The following CREB5 variants were observed in gnomAD, a reference collection of about 807,000 sequenced individuals.
The protein encoded by CREB5 is cAMP responsive element binding protein 5, also known as cyclic AMP-responsive element-binding protein 5.
In CREB5, 19 loss-of-function variants were observed where a neutral mutation model predicts 57.1. The ratio of observed to expected loss-of-function variants is 0.33; its 90% CI spans 0.23 to 0.49. CREB5 has a LOEUF of 0.49. Ranked by LOEUF, CREB5 falls within the 20% of genes least tolerant of loss-of-function variation. CREB5 has a pLI of 0.99. For synonymous variants in CREB5, 238 were observed against 238.3 expected, an observed-to-expected ratio of 1.00 and a Z score of 0.01; for missense variants, 579 against 671.6, an observed-to-expected ratio of 0.86 and a Z score of 1.52.
chr7:28,611,224 T>A (rs1264418023), intron 5 of CREB5, among the ~76,000 whole-genome samples: 1 of 152,064 alleles, frequency 6.6e-6, no homozygotes, highest in Non-Finnish European at 1.5e-5. Flanking sequence ...CTGGTAGTAT[T>A]GAAGGTCCCA....
At chr7:28,400,892 C>T (rs1263243066) in intron 1 of CREB5, among the ~76,000 whole-genome samples, 2 of 152,114 alleles carry the variant, frequency 1.3e-5, no homozygotes, top group East Asian at 3.8e-4. Context: ...TGAGATGATG[C>T]TCAATATTAA....
At chr7:28,558,368 C>G (rs895415912) in intron 4 of CREB5, among the ~76,000 whole-genome samples, 1 of 152,232 alleles carries the variant, frequency 6.6e-6, no homozygotes, top group South Asian at 2.1e-4. Context: ...CAGTAACTTA[C>G]ATTTGCAAGT....
At chr7:28,747,098 T>C (rs1389124492) in intron 7 of CREB5, among the ~76,000 whole-genome samples, 2 of 151,406 alleles carry the variant, frequency 1.3e-5, no homozygotes, top group Non-Finnish European at 2.9e-5. Flanking sequence ...TTTTTTTTTT[T>C]CCTGAGGCTG....
intron 7 of CREB5, among the ~76,000 whole-genome samples, chr7:28,792,004 G>A (rs867109002): frequency 7.2e-5 from 11 of 152,124 alleles, no homozygotes; most frequent in African/African-American, 1.2e-4. Flanking sequence ...TGATTCTACC[G>A]TCAAAAATGT....
chr7:28,803,651 G>T (rs1475366459), intron 7 of CREB5, among the ~76,000 whole-genome samples: 1 of 150,038 alleles, frequency 6.7e-6, no homozygotes, highest in Non-Finnish European at 1.5e-5. Flanking sequence ...CAGCTACTCA[G>T]AAGGCTGAGG....
At chr7:28,695,251 A>C (rs1801487897) in intron 5 of CREB5, among the ~76,000 whole-genome samples, 1 of 152,134 alleles carries the variant, frequency 6.6e-6, no homozygotes, top group Non-Finnish European at 1.5e-5. Context: ...AGCCATCCAA[A>C]AATGTGAAGA....
intron 7 of CREB5, among the ~76,000 whole-genome samples, chr7:28,767,011 T>A (rs1806040304): frequency 6.6e-6 from 1 of 152,240 alleles, no homozygotes. Flanking sequence ...TGATGTCAAG[T>A]TCTGCTTCTT....
At chr7:28,319,751 CT>C (rs1252394464) in intron 1 of CREB5, among the ~76,000 whole-genome samples, 1 of 152,094 alleles carries the variant, frequency 6.6e-6, no homozygotes, top group Non-Finnish European at 1.5e-5. Context: ...CCGTGGTCTG[CT>C]TCAAGTGTTA....
chr7:28,492,835 G>A (rs959665684), intron 2 of CREB5, among the ~76,000 whole-genome samples: 5 of 151,332 alleles, frequency 3.3e-5, no homozygotes, highest in African/African-American at 4.8e-5. Context: ...GTTGTTTGAC[G>A]GAAAGACTAG....
intron 1 of CREB5, among the ~76,000 whole-genome samples, chr7:28,374,072 G>A (rs967261718): frequency 6.6e-6 from 1 of 152,044 alleles, no homozygotes; most frequent in African/African-American, 2.4e-5. Context: ...TTGAATAAAT[G>A]CTTAATTAAA....
intron 1 of CREB5, among the ~76,000 whole-genome samples, chr7:28,381,745 A>C (rs1381610085): frequency 6.6e-6 from 1 of 152,224 alleles, no homozygotes; most frequent in Non-Finnish European, 1.5e-5. Flanking sequence ...ATCACTCCTA[A>C]GTACAAAATA....
chr7:28,785,708 C>G (rs1807283601), intron 7 of CREB5, among the ~76,000 whole-genome samples: 1 of 152,182 alleles, frequency 6.6e-6, no homozygotes, highest in Non-Finnish European at 1.5e-5. Flanking sequence ...CTAGGCCCCT[C>G]TGCAGATCCA....
intron 1 of CREB5, among the ~76,000 whole-genome samples, chr7:28,319,066 A>G (rs73082448): frequency 0.14 from 21,267 of 151,838 alleles, 1,916 homozygotes; most frequent in African/African-American, 0.25. Flanking sequence ...TCATTCCAAT[A>G]CTCTTTTCTG....
At chr7:28,761,356 G>A (rs1805637034) in intron 7 of CREB5, among the ~76,000 whole-genome samples, 1 of 152,122 alleles carries the variant, frequency 6.6e-6, no homozygotes, top group African/African-American at 2.4e-5. Flanking sequence ...GTAAATTGCG[G>A]GTGTCGGAGT....
chr7:28,786,315 C>T (rs537998876), intron 7 of CREB5, among the ~76,000 whole-genome samples: 9 of 152,254 alleles, frequency 5.9e-5, no homozygotes, highest in African/African-American at 1.2e-4. Flanking sequence ...GACACAATCT[C>T]GGGTTACTGC....
At chr7:28,508,309 G>A (rs1792567115) in intron 4 of CREB5, among the ~76,000 whole-genome samples, 1 of 152,250 alleles carries the variant, frequency 6.6e-6, no homozygotes, top group Non-Finnish European at 1.5e-5. Flanking sequence ...TTATGGGAAT[G>A]TGCTGAAATT....
At chr7:28,679,195 G>C (rs892726631) in intron 5 of CREB5, among the ~76,000 whole-genome samples, 4 of 152,096 alleles carry the variant, frequency 2.6e-5, no homozygotes, top group African/African-American at 9.7e-5. Flanking sequence ...AGGGGAGACA[G>C]AGGGAGAATA....
chr7:28,726,669 ACT>A (rs992854255), intron 7 of CREB5: 2 of 152,120 alleles, frequency 1.3e-5, no homozygotes, highest in Admixed American at 6.5e-5. Flanking sequence ...CTCTTGTTTC[ACT>A]GTTTTCAAGG....
intron 1 of CREB5, among the ~76,000 whole-genome samples, chr7:28,429,018 T>C (rs979456369): frequency 6.6e-6 from 1 of 152,146 alleles, no homozygotes; most frequent in African/African-American, 2.4e-5. Context: ...TGATGTTTAG[T>C]TTAATTTAAA....
Sources: gnomAD v4.1 joint callset for allele counts (sites outside exome capture counted in the v4.1 genomes callset) on GRCh38, gnomAD v4.1.1 for gene constraint, MANE v1.5 for transcripts, NCBI Gene and HGNC (gene_info 2026-07-23, HGNC 2026-07-21) for gene names.